AFF1: variants seen among roughly 807,000 people sequenced by gnomAD.
AFF1 encodes the protein AF4/FMR2 family member 1.
AFF1 carries 48 observed loss-of-function variants against 121.7 expected under a neutral mutation model. That is an observed-to-expected ratio of 0.39 (90% CI 0.31 to 0.50). AFF1 has a LOEUF of 0.50. Ranked by LOEUF, AFF1 falls within the 20% of genes least tolerant of loss-of-function variation. AFF1 has a pLI of 0.76. For synonymous variants in AFF1, 613 were observed against 563.0 expected, an observed-to-expected ratio of 1.09 and a Z score of -1.26; for missense variants, 1,523 against 1,511.7, an observed-to-expected ratio of 1.01 and a Z score of -0.12.
At chr4:87,067,374 T>C (rs1054501258) in intron 4 of AFF1, among the ~76,000 whole-genome samples, 1 of 152,192 alleles carries the variant, frequency 6.6e-6, no homozygotes, top group Non-Finnish European at 1.5e-5. Flanking sequence ...TCTCCTGAGA[T>C]TTTTGAGAAT....
chr4:87,105,735 G>A, intron 9 of AFF1, 53 bp downstream of exon 9: 1 of 1,613,712 alleles, frequency 6.2e-7, no homozygotes, highest in Non-Finnish European at 8.5e-7. Flanking sequence ...ACATCTAACA[G>A]ATCTGAGCTG....
chr4:87,058,550 T>C (rs1029573565), intron 4 of AFF1, among the ~76,000 whole-genome samples: 1 of 151,928 alleles, frequency 6.6e-6, no homozygotes, highest in African/African-American at 2.4e-5. Context: ...CCACCATTTG[T>C]CTCTTTCTGT....
At chr4:87,116,708 A>G (rs937310034) in intron 12 of AFF1, among the ~76,000 whole-genome samples, 4 of 152,316 alleles carry the variant, frequency 2.6e-5, no homozygotes, top group African/African-American at 9.6e-5. Context: ...TATTGCCGCC[A>G]TGTTTGCAGC....
At chr4:87,129,760 A>G (rs971282670) in intron 16 of AFF1, among the ~76,000 whole-genome samples, 3 of 152,204 alleles carry the variant, frequency 2.0e-5, no homozygotes, top group Non-Finnish European at 2.9e-5. Context: ...TATGTATAGC[A>G]GCCTAGTTCA....
chr4:86,982,387 GCTTTT>G (rs1164496579), intron 2 of AFF1, among the ~76,000 whole-genome samples: 1 of 91,606 alleles, frequency 1.1e-5, no homozygotes, highest in Non-Finnish European at 2.1e-5. Flanking sequence ...AAAAAAATTG[GCTTTT>G]TTTTTTTTTT....
At chr4:87,108,672 A>G (rs1365423991) in intron 11 of AFF1, among the ~76,000 whole-genome samples, 1 of 152,214 alleles carries the variant, frequency 6.6e-6, no homozygotes, top group Non-Finnish European at 1.5e-5. Context: ...CTATTTTAAT[A>G]TTAATGAGAA....
intron 11 of AFF1, among the ~76,000 whole-genome samples, chr4:87,113,331 T>C (rs953369254): frequency 4.6e-5 from 7 of 152,044 alleles, no homozygotes; most frequent in African/African-American, 1.7e-4. Context: ...TCACCTAAGC[T>C]GGAGTGCACA....
rs140609695 is a variant in AFF1 at position 87,047,091 on chromosome 4, C to T, written c.556C>T (p.Arg186Ter). Residue 186 changes from arginine (R) to a stop codon, truncating the protein, a stop_gained, in exon 4 of 21, where the codon CGA becomes TGA. Transcript: ENST00000395146. LOFTEE classifies it high-confidence loss of function. ...FGSSHHKKGD[R>*]RADGDHCASV... ...CTCTAGTCATCACAAGAAAGGTGAC[C>T]GAAGAGCTGACGGAGACCACTGTGC... 1.2e-6 allele frequency: 2 copies of T among 1,614,028 alleles called. No individual in the cohort carries two copies. Among genetic ancestry groups the T allele is most frequent in the African/African-American group, 1.3e-5 (1 of 74,908 alleles).
chr4:87,040,871 C>CTTTTTTTTTTTTT (rs780348229), intron 2 of AFF1, among the ~76,000 whole-genome samples: 3 of 67,110 alleles, frequency 4.5e-5, no homozygotes, highest in African/African-American at 8.3e-5. Context: ...CCATGCCCTG[C>CTTTTTTTTTTTTT]TTTTTTTTTT....
At chr4:86,971,539 A>G (rs186897059) in intron 2 of AFF1, among the ~76,000 whole-genome samples, 2 of 152,356 alleles carry the variant, frequency 1.3e-5, no homozygotes, top group East Asian at 3.9e-4. Flanking sequence ...TTCCTTGCAG[A>G]TGCACTGATA....
intron 7 of AFF1, among the ~76,000 whole-genome samples, chr4:87,093,661 G>A (rs1724541950): frequency 6.6e-6 from 1 of 152,152 alleles, no homozygotes; most frequent in Admixed American, 6.5e-5. Context: ...CCTCTCGTTT[G>A]GAGTCTTGGT....
chr4:87,039,960 G>A (rs1729957304), intron 2 of AFF1, among the ~76,000 whole-genome samples: 1 of 152,106 alleles, frequency 6.6e-6, no homozygotes, highest in Non-Finnish European at 1.5e-5. Context: ...GAAGTGCAGT[G>A]GCGCGATCTC....
At chr4:87,006,943 C>CA (rs1726193356) in intron 2 of AFF1, 2 of 1,024,424 alleles carry the variant, frequency 2.0e-6, no homozygotes, top group African/African-American at 1.7e-5. Context: ...ACTTTCTTGA[C>CA]AGGGGGTATC....
intron 2 of AFF1, among the ~76,000 whole-genome samples, chr4:86,958,611 G>A (rs1005281741): frequency 3.3e-5 from 5 of 151,960 alleles, no homozygotes; most frequent in Admixed American, 2.6e-4. Context: ...CCAGCTACTC[G>A]GGAGGCTGAG....
Position 86,985,181 on chromosome 4 carries a change from C to CTATATATA in AFF1, c.38+36637_38+36644dup, listed in dbSNP as rs55891819. Among the ~76,000 whole-genome samples the CTATATATA allele has an allele frequency of 9.3e-3, 894 of 96,356 alleles. 23 individuals are homozygous for CTATATATA. The highest frequency in any genetic ancestry group is 0.031 in the African/African-American group (617 of 19,746). The allele number at this position is 96,356 out of a possible 152,430, so 63.2% of individuals were successfully genotyped here. On this transcript the variant is annotated intron_variant, in intron 2 of 20. Coordinates refer to ENST00000395146, the MANE Select transcript of AFF1 (RefSeq NM_001166693.3). ...AATATAATATATATAATATGTATTA[C>CTATATATA]TATATATATATATATATATATATAT...
chr4:86,944,280 T>A (rs1720683771), intron 1 of AFF1, among the ~76,000 whole-genome samples: 1 of 152,116 alleles, frequency 6.6e-6, no homozygotes, highest in African/African-American at 2.4e-5. Flanking sequence ...GTGCTAAAAC[T>A]TTTACAAACA....
At chr4:87,078,256 G>GTTTATTTATGTTTATT (rs1722861359) in intron 4 of AFF1, among the ~76,000 whole-genome samples, 5 of 152,196 alleles carry the variant, frequency 3.3e-5, no homozygotes, top group Admixed American at 2.0e-4. Flanking sequence ...TTATTTACAT[G>GTTTATTTATGTTTATT]TAGTTTAGTT....
chr4:87,055,912 T>C (rs1407330187), intron 4 of AFF1, among the ~76,000 whole-genome samples: 1 of 152,226 alleles, frequency 6.6e-6, no homozygotes, highest in Non-Finnish European at 1.5e-5. Context: ...CATGTTCACA[T>C]TTCCCAAGAA....
rs559683711 is a variant in AFF1, at chr4:87,138,419, T to C, written c.*2718T>C. ...TCTTATAACAATAATAGTACACACTTCAGAGTAAGACAAATGCAAAGCATC... is the reference window on the plus strand; with the variant it reads ...TCTTATAACAATAATAGTACACACTCCAGAGTAAGACAAATGCAAAGCATC... On this transcript the variant is annotated 3_prime_UTR_variant, in exon 21 of 21. Transcript: ENST00000395146. 4 of 232,628 alleles carry C rather than the reference T, an allele frequency of 1.7e-5. No homozygotes were observed. The highest frequency in any genetic ancestry group is 3.4e-5 in the Non-Finnish European group (4 of 117,696). The allele number at this position is 232,628 out of a possible 1,614,324, so 14.4% of individuals were successfully genotyped here.
Sources: gnomAD v4.1 joint callset for allele counts (sites outside exome capture counted in the v4.1 genomes callset) on GRCh38, gnomAD v4.1.1 for gene constraint, MANE v1.5 for transcripts, NCBI Gene and HGNC (gene_info 2026-07-23, HGNC 2026-07-21) for gene names.